The following SMYD3 variants were observed in gnomAD, a reference collection of about 807,000 sequenced individuals.
The protein encoded by SMYD3 is histone-lysine N-methyltransferase SMYD3.
Under a neutral mutation model 57.7 loss-of-function variants are expected in SMYD3, and 36 were observed. The observed-to-expected ratio is 0.62, with a 90% CI of 0.48 to 0.82. The LOEUF is 0.82. SMYD3 is among the 40% of genes least tolerant of loss of function. The probability of loss-of-function intolerance (pLI) is 0.00; values close to 1 mark genes in which losing one functional copy is unlikely to be tolerated. For missense variants in SMYD3, 515 were observed against 538.8 expected (o/e 0.96, Z 0.44); for synonymous variants, 211 against 195.0 (o/e 1.08, Z -0.68).
intron 1 of SMYD3, among the ~76,000 whole-genome samples, chr1:246,430,100 C>G: frequency 7.6e-6 from 1 of 130,974 alleles, no homozygotes; most frequent in Non-Finnish European, 1.6e-5. Flanking sequence ...AACGGTAACT[C>G]CTGCCTCAAG....
At chr1:246,119,165 C>A (rs145863678) in intron 5 of SMYD3, among the ~76,000 whole-genome samples, 1 of 152,048 alleles carries the variant, frequency 6.6e-6, no homozygotes, top group Non-Finnish European at 1.5e-5. Flanking sequence ...AGACTACAAA[C>A]GCATGCCAAC....
In SMYD3 at chr1:246,057,191, T is replaced by C. The variant is rs919690077; in HGVS notation, c.532-127254A>G. Among the ~76,000 whole-genome samples the C allele has an allele frequency of 3.0e-4, 46 of 152,324 alleles. 1 individual carries two copies. The highest frequency in any genetic ancestry group is 1.1e-3 in the African/African-American group (44 of 41,568). On this transcript the variant is annotated intron_variant, in intron 5 of 11. Transcript: ENST00000490107. Reference sequence around the variant, plus strand: ...GCTTTTGTGATGATTAAATAATGGATGTGAAGTGCTTAACATAGCGTTAGA... The same window carrying C: ...GCTTTTGTGATGATTAAATAATGGACGTGAAGTGCTTAACATAGCGTTAGA...
chr1:245,791,654 G>A (rs1184394502), intron 10 of SMYD3, among the ~76,000 whole-genome samples: 1 of 152,208 alleles, frequency 6.6e-6, no homozygotes, highest in African/African-American at 2.4e-5. Flanking sequence ...ATGCTCATGA[G>A]TACATCAGTC....
At chr1:246,138,874 T>C (rs2061707547) in intron 5 of SMYD3, among the ~76,000 whole-genome samples, 1 of 152,132 alleles carries the variant, frequency 6.6e-6, no homozygotes. Flanking sequence ...TTTTGTATCT[T>C]CTCTCAGTAA....
intron 5 of SMYD3, among the ~76,000 whole-genome samples, chr1:246,301,940 A>C (rs2064897646): frequency 6.6e-6 from 1 of 152,186 alleles, no homozygotes; most frequent in Non-Finnish European, 1.5e-5. Context: ...CTCACTCCTC[A>C]TATTCCTCTG....
At chr1:245,965,349 T>C (rs1017635272) in intron 5 of SMYD3, among the ~76,000 whole-genome samples, 15 of 152,198 alleles carry the variant, frequency 9.9e-5, no homozygotes, top group African/African-American at 3.4e-4. Flanking sequence ...CTTGGATTAG[T>C]AGTAAGTGTA....
intron 1 of SMYD3, among the ~76,000 whole-genome samples, chr1:246,499,252 C>G (rs548075084): frequency 6.6e-6 from 1 of 151,608 alleles, no homozygotes; most frequent in Admixed American, 6.6e-5. Context: ...TGCAGTGAGC[C>G]GAGATTGTAC....
chr1:245,756,177 A>ATG (rs1292915232), intron 11 of SMYD3, among the ~76,000 whole-genome samples: 1 of 149,536 alleles, frequency 6.7e-6, no homozygotes, highest in Non-Finnish European at 1.5e-5. Context: ...CATATTATAT[A>ATG]TGTATATATA....
chr1:246,332,298 T>G lies in SMYD3; in HGVS notation c.337-1761A>C, dbSNP rs369341233. 1.1e-4 allele frequency among the ~76,000 whole-genome samples: 17 copies of G among 152,308 alleles called. No individual in the cohort carries two copies. In the East Asian group the frequency reaches 3.3e-3, roughly 29 times the overall value. The stretch of plus-strand genomic sequence containing the variant: ...TGAGTGATAAGAAAGCACAACAGTC[T>G]TATTGCTAATCTAGAGAAAGTCTGA... On this transcript the variant is annotated intron_variant, in intron 3 of 11. Coordinates refer to ENST00000490107, the MANE Select transcript of SMYD3 (RefSeq NM_001167740.2).
At chr1:246,031,634 G>A (rs12733808) in intron 5 of SMYD3, among the ~76,000 whole-genome samples, 9,312 of 152,064 alleles carry the variant, frequency 0.061, 331 homozygotes, top group Non-Finnish European at 0.067. Context: ...CTACTCGGGA[G>A]GCTGAGGCAG....
intron 11 of SMYD3, among the ~76,000 whole-genome samples, chr1:245,749,936 A>T (rs2045268500): frequency 6.6e-6 from 1 of 152,212 alleles, no homozygotes; most frequent in African/African-American, 2.4e-5. Flanking sequence ...GTCAGTGCAC[A>T]GGTTTGGTGG....
At chr1:246,498,220 C>T (rs545826503) in intron 1 of SMYD3, among the ~76,000 whole-genome samples, 1 of 152,292 alleles carries the variant, frequency 6.6e-6, no homozygotes, top group South Asian at 2.1e-4. Context: ...TAAAAATACA[C>T]ACATGCAAGG....
intron 5 of SMYD3, among the ~76,000 whole-genome samples, chr1:246,029,357 T>C (rs1393972758): frequency 6.6e-6 from 1 of 152,120 alleles, no homozygotes; most frequent in Non-Finnish European, 1.5e-5. Context: ...GGGCAAATGA[T>C]ATGAATAGAA....
At chr1:246,342,839 CTATAA>C (rs2065653791) in intron 2 of SMYD3, among the ~76,000 whole-genome samples, 1 of 152,100 alleles carries the variant, frequency 6.6e-6, no homozygotes, top group African/African-American at 2.4e-5. Flanking sequence ...AGTGAGGAAC[CTATAA>C]TATGAGACAA....
chr1:246,506,997 CTCCCCAG>C, intron 1 of SMYD3, 50 bp downstream of exon 1: 1 of 308,906 alleles, frequency 3.2e-6, no homozygotes, highest in Non-Finnish European at 4.7e-6. Context: ...ACGCCCCCCC[CTCCCCAG>C]CACCCCACAC....
chr1:245,772,288 T>C (rs765597035), intron 10 of SMYD3, among the ~76,000 whole-genome samples: 3 of 152,252 alleles, frequency 2.0e-5, no homozygotes, highest in Non-Finnish European at 4.4e-5. Context: ...GCATTTCTTT[T>C]ACTTCATAAA....
intron 5 of SMYD3, chr1:246,187,075 C>T: frequency 3.7e-6 from 1 of 267,040 alleles, no homozygotes; most frequent in Non-Finnish European, 5.8e-6. Flanking sequence ...CCCAGTTCCA[C>T]AGCTCCAGTC....
chr1:246,049,827 C>G (rs1318579464), intron 5 of SMYD3, among the ~76,000 whole-genome samples: 1 of 151,962 alleles, frequency 6.6e-6, no homozygotes, highest in Non-Finnish European at 1.5e-5. Context: ...GCTCACAAAC[C>G]CTCGGAAGGA....
At chr1:245,972,447 T>C (rs1163438113) in intron 5 of SMYD3, among the ~76,000 whole-genome samples, 2 of 152,246 alleles carry the variant, frequency 1.3e-5, no homozygotes, top group Non-Finnish European at 2.9e-5. Flanking sequence ...CCTCATCATC[T>C]AGGGCAAGTT....
Sources: allele counts gnomAD v4.1 joint callset (sites outside exome capture counted in the v4.1 genomes callset), GRCh38; gene constraint gnomAD v4.1.1; transcripts MANE v1.5; gene names NCBI Gene and HGNC (gene_info 2026-07-23, HGNC 2026-07-21).